FBXO17: variants seen among roughly 807,000 people sequenced by gnomAD.
FBXO17 encodes F-box only protein 17.
A neutral mutation model predicts 34.1 loss-of-function variants in FBXO17; 43 were observed. That is an observed-to-expected ratio of 1.26 (90% CI 0.99 to 1.62). The LOEUF is 1.62. Among genes scored for constraint, FBXO17 ranks in the 40% most tolerant of loss-of-function variants. The pLI is 0.00. For missense variants in FBXO17, 424 were observed against 386.7 expected (o/e 1.10, Z -0.81); for synonymous variants, 169 against 166.0 (o/e 1.02, Z -0.14).
intron 3 of FBXO17, 64 bp downstream of exon 3, chr19:38,948,503 G>C: frequency 7.8e-7 from 1 of 1,279,684 alleles, no homozygotes; most frequent in African/African-American, 1.5e-5. Flanking sequence ...CAGTGTGGGG[G>C]GTAGGGTCCC....
At chr19:38,942,898 C>A (rs1473677318) in intron 5 of FBXO17, 147 bp from the exon 6 acceptor site, 2 of 969,460 alleles carry the variant, frequency 2.1e-6, no homozygotes, top group Non-Finnish European at 2.9e-6. Context: ...GGAAAAGGAC[C>A]CCGCCCTGGT....
chr19:38,966,041 G>T (rs1238154864), intron 1 of FBXO17, among the ~76,000 whole-genome samples: 3 of 151,870 alleles, frequency 2.0e-5, no homozygotes, highest in Admixed American at 6.6e-5. Context: ...CGTGATCTTG[G>T]CTCACTGCAA....
intron 1 of FBXO17, among the ~76,000 whole-genome samples, chr19:38,965,708 T>C (rs915203186): frequency 6.6e-6 from 1 of 152,182 alleles, no homozygotes; most frequent in Non-Finnish European, 1.5e-5. Context: ...GGTTTCGCCA[T>C]GTTGGCCAGG....
chr19:38,963,789 C>CT (rs34339732), intron 1 of FBXO17, among the ~76,000 whole-genome samples: 32,372 of 145,968 alleles, frequency 0.22, 3,989 homozygotes, highest in South Asian at 0.36. Flanking sequence ...GTTTTCTTTG[C>CT]TTTTTTTTTT....
chr19:38,951,860 G>A (rs1288943743), intron 1 of FBXO17, among the ~76,000 whole-genome samples: 1 of 151,702 alleles, frequency 6.6e-6, no homozygotes, highest in African/African-American at 2.4e-5. Context: ...TGTTGGCCAT[G>A]CTAGTCTCGA....
At position 38,969,450 on chromosome 19, in the gene FBXO17, AAAAG is replaced by A. The variant is rs1471009985; in HGVS notation, c.-18+6132_-18+6135del. 3.2e-3 allele frequency among the ~76,000 whole-genome samples: 487 copies of A among 151,690 alleles called. 1 individual carries two copies. The highest frequency in any genetic ancestry group is 0.011 in the African/African-American group (476 of 41,402). The stretch of plus-strand genomic sequence containing the variant: ...GAGACTCCATCTCCAAAAAAAAAAA[AAAAG>A]AAAGAAAAGAAAAAAGAAAATGAGC... On this transcript the variant is annotated intron_variant, in intron 1 of 5. Transcript: ENST00000292852.
chr19:38,958,550 T>C lies in FBXO17; in HGVS notation c.-17-8214A>G, dbSNP rs141863912. On this transcript the variant is annotated intron_variant, in intron 1 of 5. Transcript: ENST00000292852. ...AGGTTGAAAAGTACCCACTGCAAGA[T>C]TGAATGCCAACTACTAGCTGGGTCA... Among the ~76,000 whole-genome samples, 388 of 152,228 alleles carry C rather than the reference T, an allele frequency of 2.5e-3. 4 individuals carry two copies. The highest frequency in any genetic ancestry group is 8.7e-3 in the African/African-American group (360 of 41,550).
rs1478474099 is a variant in FBXO17, at chr19:38,950,099, A to C, written c.221T>G (p.Leu74Arg). ...ARDRSAEGRALYAVAQRCLPS... is the reference protein window; with the variant it reads ...ARDRSAEGRARYAVAQRCLPS... ...CAGGCAGCGTTGAGCCACTGCGTAGAGTGCGCGGCCCTCGGCGCTGCGGTC... is the reference window on the plus strand; with the variant it reads ...CAGGCAGCGTTGAGCCACTGCGTAGCGTGCGCGGCCCTCGGCGCTGCGGTC... The change falls in exon 2 of 6, where the codon CTC becomes CGC. Residue 74 changes from leucine (L) to arginine (R), a missense_variant. Leu to Arg is a moderately radical substitution (Grantham distance 102, BLOSUM62 -2). Transcript: ENST00000292852. 1.3e-6 allele frequency: 2 copies of C among 1,564,714 alleles called. No homozygotes were observed. Among genetic ancestry groups the C allele is most frequent in the Middle Eastern group, 1.7e-4 (1 of 6,034 alleles).
intron 1 of FBXO17, among the ~76,000 whole-genome samples, chr19:38,954,298 C>T (rs1259510389): frequency 6.6e-6 from 1 of 152,092 alleles, no homozygotes; most frequent in Non-Finnish European, 1.5e-5. Context: ...GAGATGGAGT[C>T]TCGATCTGTG....
At chr19:38,953,360 G>A (rs1975115003) in intron 1 of FBXO17, among the ~76,000 whole-genome samples, 2 of 151,148 alleles carry the variant, frequency 1.3e-5, no homozygotes, top group Admixed American at 1.3e-4. Flanking sequence ...AGAAGGGGAG[G>A]TGAAGTCAAG....
chr19:38,948,808 C>A, intron 2 of FBXO17, 130 bp from the exon 3 acceptor site: 1 of 693,062 alleles, frequency 1.4e-6, no homozygotes, highest in South Asian at 1.8e-5. Context: ...GTTTCTCCTA[C>A]CGACTCCTCC....
chr19:38,949,009 A>G (rs781373377), intron 2 of FBXO17, among the ~76,000 whole-genome samples: 8 of 152,218 alleles, frequency 5.3e-5, no homozygotes, highest in Non-Finnish European at 1.0e-4. Flanking sequence ...AGCTCACTGC[A>G]GCCTCAAACT....
Position 38,961,282 on chromosome 19 carries a change from C to CTTT in FBXO17, c.-17-10949_-17-10947dup, listed in dbSNP as rs113778086. Among the ~76,000 whole-genome samples the CTTT allele has an allele frequency of 6.9e-3, 989 of 142,406 alleles. 30 individuals carry two copies. Among genetic ancestry groups the CTTT allele is most frequent in the African/African-American group, 0.02 (772 of 38,196 alleles). The allele number at this position is 142,406 out of a possible 152,430, so 93.4% of individuals were successfully genotyped here. A position where few individuals can be genotyped will look rare whatever the true frequency, so the allele number is the denominator to read the frequency against. On this transcript the variant is annotated intron_variant, in intron 1 of 5. Coordinates refer to ENST00000292852, the MANE Select transcript of FBXO17 (RefSeq NM_024907.7). Reference sequence around the variant, plus strand: ...AATTTTATTTCAATTGATTTTAAATCTTTTTTTTTTTGAGATGGCGTCTTA... The same window carrying CTTT: ...AATTTTATTTCAATTGATTTTAAATCTTTTTTTTTTTTTTGAGATGGCGTCTTA...
chr19:38,951,188 G>A (rs188631179), intron 1 of FBXO17, among the ~76,000 whole-genome samples: 35 of 152,064 alleles, frequency 2.3e-4, no homozygotes, highest in African/African-American at 7.0e-4. Context: ...GTCTGCAGTG[G>A]TCACCTCCTT....
In FBXO17 at chr19:38,941,429, TCA is replaced by T. The variant is rs1418785566; in HGVS notation, c.*1177_*1178del. On this transcript the variant is annotated 3_prime_UTR_variant, in exon 6 of 6. Transcript: ENST00000292852. ...GGTGTGGAGTGGGAAATCAGGGGTC[TCA>T]CGGCCTTCAGAGCTGAGAGCCTTGA... 2 of 152,252 alleles carry T rather than the reference TCA, an allele frequency of 1.3e-5. No homozygotes were observed. The highest frequency in any genetic ancestry group is 4.8e-5 in the African/African-American group (2 of 41,462). The allele number at this position is 152,252 out of a possible 1,614,324, so 9.4% of individuals were successfully genotyped here. A position where few individuals can be genotyped will look rare whatever the true frequency, so the allele number is the denominator to read the frequency against.
At position 38,949,961 on chromosome 19, in the gene FBXO17, C is replaced by A. The variant is rs1214616389; in HGVS notation, c.349+10G>T. 2.6e-6 allele frequency: 4 copies of A among 1,526,764 alleles called. No homozygotes were observed. Among genetic ancestry groups the A allele is most frequent in the Non-Finnish European group, 2.6e-6 (3 of 1,139,050 alleles). 94.6% of individuals were successfully genotyped at this position (1,526,764 alleles called of 1,614,324 possible). On this transcript the variant is annotated intron_variant, in intron 2 of 5. Transcript: ENST00000292852. ...CCCTCAGCCTCCTGGGCCCCGCCCC[C>A]GTCACCCACGCTCTCCGCAGGAGTT... is the stretch of plus-strand genomic sequence containing the variant.
intron 1 of FBXO17, among the ~76,000 whole-genome samples, chr19:38,952,375 C>T (rs189609504): frequency 1.3e-4 from 20 of 152,294 alleles, no homozygotes; most frequent in Admixed American, 9.8e-4. Flanking sequence ...ACCTTTGGAA[C>T]CCATGACCCA....
At position 38,950,028 on chromosome 19, in the gene FBXO17, G is replaced by A. The variant is rs1378719530; in HGVS notation, c.292C>T (p.Arg98Cys). ...CCGAAGGGCGCGCGCAGACAGTAGC[G>A]CGCCAGGGCGCACAGCGGGAACTCC... The part of the protein sequence containing the change: ...KEEFPLCALA[R>C]YCLRAPFGRN... Residue 98 changes from arginine to cysteine, a missense_variant, in exon 2 of 6, where the codon CGC becomes TGC. Physicochemically the swap from Arg to Cys is radical, Grantham distance 180 (BLOSUM62 -3). Transcript: ENST00000292852. 1.3e-6 allele frequency: 2 copies of A among 1,563,852 alleles called. No individual in the cohort carries two copies. The highest frequency in any genetic ancestry group is 1.7e-6 in the Non-Finnish European group (2 of 1,155,818).
At chr19:38,944,832 G>T in intron 5 of FBXO17, 137 bp downstream of exon 5, 5 of 1,252,968 alleles carry the variant, frequency 4.0e-6, no homozygotes, top group South Asian at 1.4e-5. Flanking sequence ...GGCTTGGGAT[G>T]TAAGAAGGGC....
Sources: allele counts gnomAD v4.1 joint callset (sites outside exome capture counted in the v4.1 genomes callset), GRCh38; gene constraint gnomAD v4.1.1; transcripts MANE v1.5; gene names NCBI Gene and HGNC (gene_info 2026-07-23, HGNC 2026-07-21).